The following NIPSNAP2 variants were observed in gnomAD, a reference collection of about 807,000 sequenced individuals.
NIPSNAP2 encodes the protein protein NipSnap homolog 2.
NIPSNAP2 carries 42 observed loss-of-function variants against 48.4 expected under a neutral mutation model. The ratio of observed to expected loss-of-function variants is 0.87; its 90% confidence interval spans 0.68 to 1.12. NIPSNAP2 has a LOEUF of 1.12. Ranked by LOEUF, NIPSNAP2 falls within the 50% of genes most tolerant of loss-of-function variation. NIPSNAP2 has a pLI of 0.00. For missense variants in NIPSNAP2, 314 were observed against 347.3 expected (o/e 0.90, Z 0.76); for synonymous variants, 158 against 126.6 (o/e 1.25, Z -1.67).
At chr7:55,984,233 A>C (rs1230960102) in intron 6 of NIPSNAP2, among the ~76,000 whole-genome samples, 2 of 152,194 alleles carry the variant, frequency 1.3e-5, no homozygotes, top group African/African-American at 2.4e-5. Flanking sequence ...AGTAAAAGGC[A>C]ATAATATAAC....
chr7:55,976,108 A>C (rs999240879), intron 1 of NIPSNAP2, among the ~76,000 whole-genome samples: 2 of 152,172 alleles, frequency 1.3e-5, no homozygotes, highest in Non-Finnish European at 2.9e-5. Flanking sequence ...TTATACAATG[A>C]AAAGAAAAAA....
chr7:55,981,444 A>T (rs756526165), intron 3 of NIPSNAP2, 29 bp from the exon 4 acceptor site: 1 of 1,564,126 alleles, frequency 6.4e-7, no homozygotes, highest in East Asian at 2.2e-5. Flanking sequence ...CTGGTTGTTT[A>T]ATTAGTGTTG....
rs554217256 is a variant in NIPSNAP2, at chr7:55,994,836, G to A, written c.618-58G>A. The A allele has an allele frequency of 1.8e-5, 25 of 1,415,834 alleles. No individual in the cohort carries two copies. In the African/African-American group the frequency reaches 2.2e-4, roughly 13 times the overall value. The allele number at this position is 1,415,834 out of a possible 1,614,324, so 87.7% of individuals were successfully genotyped here. On this transcript the variant is annotated intron_variant, in intron 7 of 9. Transcript: ENST00000322090. The stretch of plus-strand genomic sequence containing the variant: ...GAGTATGGTGAAGGTTTAGTCTACC[G>A]ATTCTCGTTAGCGTATCTAATTCAG...
At chr7:55,990,064 C>T (rs1050837769) in intron 7 of NIPSNAP2, among the ~76,000 whole-genome samples, 8 of 151,696 alleles carry the variant, frequency 5.3e-5, no homozygotes, top group Non-Finnish European at 8.8e-5. Flanking sequence ...CCAGCCTGGG[C>T]GACAGAGTGA....
intron 7 of NIPSNAP2, among the ~76,000 whole-genome samples, chr7:55,987,183 A>T (rs1051267383): frequency 3.3e-5 from 5 of 152,046 alleles, no homozygotes; most frequent in African/African-American, 9.7e-5. Context: ...AAATGGAATT[A>T]GTGTGATTCA....
At chr7:55,987,648 G>T (rs1335140811) in intron 7 of NIPSNAP2, among the ~76,000 whole-genome samples, 2 of 152,122 alleles carry the variant, frequency 1.3e-5, no homozygotes, top group Non-Finnish European at 2.9e-5. Context: ...AAAGAAGGAA[G>T]TCTTGTCTTA....
At chr7:55,965,961 TGA>T (rs1434877819) in intron 1 of NIPSNAP2, among the ~76,000 whole-genome samples, 3 of 152,144 alleles carry the variant, frequency 2.0e-5, no homozygotes, top group Non-Finnish European at 4.4e-5. Flanking sequence ...ACCCTGGCAC[TGA>T]GAGTTGAGAG....
chr7:55,985,926 T>C (rs1787320525), intron 7 of NIPSNAP2, among the ~76,000 whole-genome samples: 1 of 151,936 alleles, frequency 6.6e-6, no homozygotes, highest in African/African-American at 2.4e-5. Flanking sequence ...TGCACTCCTG[T>C]AATCCCAGCT....
intron 7 of NIPSNAP2, among the ~76,000 whole-genome samples, chr7:55,992,827 T>A (rs1787478804): frequency 6.6e-6 from 1 of 152,194 alleles, no homozygotes; most frequent in African/African-American, 2.4e-5. Flanking sequence ...GTGTGTCATC[T>A]CCTGATAGAC....
At chr7:55,992,391 G>A (rs1787472279) in intron 7 of NIPSNAP2, among the ~76,000 whole-genome samples, 1 of 152,130 alleles carries the variant, frequency 6.6e-6, no homozygotes, top group African/African-American at 2.4e-5. Flanking sequence ...TCAGGAGGCC[G>A]GGGCAGGAGG....
At chr7:55,986,946 T>G in intron 7 of NIPSNAP2, among the ~76,000 whole-genome samples, 1 of 127,162 alleles carries the variant, frequency 7.9e-6, no homozygotes, top group Admixed American at 9.3e-5. Flanking sequence ...TAGGAGTTGG[T>G]GACCAGCCTG....
chr7:55,988,267 T>A lies in NIPSNAP2; in HGVS notation c.617+3389T>A, dbSNP rs374351851. Among the ~76,000 whole-genome samples, 53 of 152,024 alleles carry A rather than the reference T, an allele frequency of 3.5e-4. No homozygotes were observed. In the East Asian group the frequency reaches 4.5e-3, roughly 13 times the overall value. ...ACAGACCCTGTATCAAAAAAAAAAT[T>A]TTTTTTTAAATAAATTTTAAAACTT... On this transcript the variant is annotated intron_variant, in intron 7 of 9. Transcript: ENST00000322090.
intron 7 of NIPSNAP2, among the ~76,000 whole-genome samples, chr7:55,988,546 A>G (rs900254708): frequency 3.3e-5 from 5 of 152,138 alleles, no homozygotes; most frequent in Non-Finnish European, 5.9e-5. Context: ...CACTTTGGAA[A>G]TAGTCTAGTA....
At chr7:55,982,181 C>T (rs1470267459) in intron 4 of NIPSNAP2, 29 bp from the exon 5 acceptor site, 17 of 1,440,002 alleles carry the variant, frequency 1.2e-5, no homozygotes, top group East Asian at 6.8e-5. Flanking sequence ...AAATTCTAAA[C>T]GTATACTGTC....
intron 7 of NIPSNAP2, chr7:55,991,765 A>AAATAT (rs1554344168): frequency 2.7e-5 from 4 of 150,176 alleles, no homozygotes; most frequent in South Asian, 3.2e-4. Context: ...AAAAAAAAAA[A>AAATAT]ATATATATAT....
chr7:55,978,022 G>A lies in NIPSNAP2; in HGVS notation c.93-104G>A, dbSNP rs981077100. 15 of 1,316,168 alleles carry A rather than the reference G, an allele frequency of 1.1e-5. 1 individual carries two copies. In the Admixed American group the frequency reaches 1.5e-4, roughly 13 times the overall value. The allele number at this position is 1,316,168 out of a possible 1,614,324, so 81.5% of individuals were successfully genotyped here. A position where few individuals can be genotyped will look rare whatever the true frequency, so the allele number is the denominator to read the frequency against. ...AAGCAGGCATTCTTTGGTAGCCCAGGTTCTGGAACGGTGCCTAGAATAGCT... is the reference window on the plus strand; with the variant it reads ...AAGCAGGCATTCTTTGGTAGCCCAGATTCTGGAACGGTGCCTAGAATAGCT... On this transcript the variant is annotated intron_variant, in intron 1 of 9. Transcript: ENST00000322090.
intron 1 of NIPSNAP2, among the ~76,000 whole-genome samples, chr7:55,972,222 C>G (rs932499056): frequency 1.3e-5 from 2 of 151,544 alleles, no homozygotes; most frequent in African/African-American, 4.8e-5. Context: ...AGGAGAATCA[C>G]TTGAACCCAG....
intron 8 of NIPSNAP2, among the ~76,000 whole-genome samples, chr7:55,996,147 A>G (rs1276428490): frequency 1.3e-5 from 2 of 152,052 alleles, no homozygotes; most frequent in Non-Finnish European, 2.9e-5. Flanking sequence ...AAAATTAGGC[A>G]TGGAGGCGCA....
chr7:55,984,717 CAAAAAAA>C, intron 6 of NIPSNAP2, 123 bp from the exon 7 acceptor site: 2 of 491,832 alleles, frequency 4.1e-6, no homozygotes, highest in Admixed American at 3.8e-5. Context: ...GATTCTGTCT[CAAAAAAA>C]AAAAAAAAAA....
Sources: allele counts gnomAD v4.1 joint callset (sites outside exome capture counted in the v4.1 genomes callset), GRCh38; gene constraint gnomAD v4.1.1; transcripts MANE v1.5; gene names NCBI Gene and HGNC (gene_info 2026-07-23, HGNC 2026-07-21).